KCNJ6: variants seen among roughly 807,000 people sequenced by gnomAD.
KCNJ6 encodes potassium inwardly rectifying channel subfamily J member 6, also known as G protein-activated inward rectifier potassium channel 2.
KCNJ6 carries 9 observed loss-of-function variants against 34.2 expected under a neutral mutation model. That is an observed-to-expected ratio of 0.26 (90% confidence interval 0.16 to 0.46). KCNJ6 has a LOEUF of 0.46. Ranked by LOEUF, KCNJ6 falls within the 20% of genes least tolerant of loss-of-function variation. The pLI, the probability that KCNJ6 is intolerant of heterozygous loss-of-function variation, is 1.00. For missense variants in KCNJ6, 236 were observed against 531.3 expected (o/e 0.44, Z 5.46); for synonymous variants, 196 against 207.1 (o/e 0.95, Z 0.46).
intron 2 of KCNJ6, among the ~76,000 whole-genome samples, chr21:37,724,131 A>G (rs988061989): frequency 6.6e-6 from 1 of 152,032 alleles, no homozygotes; most frequent in African/African-American, 2.4e-5. Context: ...TAGACTAAGG[A>G]GATTGTTTTT....
chr21:37,715,123 G>A lies in KCNJ6; in HGVS notation c.34C>T (p.Leu12=), dbSNP rs2054783467. The change falls in exon 3 of 4, where the codon CTG becomes TTG. Residue 12 remains leucine, a synonymous_variant. Coordinates refer to ENST00000609713, the MANE Select transcript of KCNJ6 (RefSeq NM_002240.5). ...AKLTESMTNV[L]EGDSMDQDVE... ...TCCTGATCCATGGAGTCGCCCTCCA[G>A]GACGTTAGCTGGTGGTTTGGAGAAA... 1.9e-6 allele frequency: 3 copies of A among 1,609,028 alleles called. No individual in the cohort carries two copies. Among genetic ancestry groups the A allele is most frequent in the African/African-American group, 2.7e-5 (2 of 74,622 alleles).
chr21:37,780,366 C>T (rs192060553), intron 2 of KCNJ6, among the ~76,000 whole-genome samples: 1,641 of 152,206 alleles, frequency 0.011, 20 homozygotes, highest in Non-Finnish European at 0.016. Context: ...CAGTGAAACC[C>T]TTTTGTATGA....
At chr21:37,782,413 C>A (rs1411418499) in intron 2 of KCNJ6, among the ~76,000 whole-genome samples, 5 of 152,042 alleles carry the variant, frequency 3.3e-5, no homozygotes. Flanking sequence ...CATAACACAC[C>A]CCCCTCCCTG....
At chr21:37,914,189 G>A (rs1211976338) in intron 1 of KCNJ6, among the ~76,000 whole-genome samples, 3 of 152,144 alleles carry the variant, frequency 2.0e-5, no homozygotes, top group Admixed American at 6.5e-5. Flanking sequence ...TAAAATGGAT[G>A]ATTTGCAAGC....
chr21:37,863,274 G>A (rs546527797), intron 1 of KCNJ6, among the ~76,000 whole-genome samples: 3 of 152,192 alleles, frequency 2.0e-5, no homozygotes, highest in South Asian at 2.1e-4. Context: ...AGATTGTTAC[G>A]CCTGACTACT....
chr21:37,828,546 G>A (rs998903439), intron 2 of KCNJ6, among the ~76,000 whole-genome samples: 2 of 152,162 alleles, frequency 1.3e-5, no homozygotes, highest in Admixed American at 6.5e-5. Flanking sequence ...GTTTCCTTTC[G>A]GTGACAAAGT....
rs2123591742 is a variant in KCNJ6 at position 37,851,933 on chromosome 21, T to C, written c.-27-11224A>G. 2.0e-5 allele frequency among the ~76,000 whole-genome samples: 3 copies of C among 151,964 alleles called. No homozygotes were observed. In the South Asian group the frequency reaches 6.2e-4, roughly 32 times the overall value. ...TTTTTCTATATTGTTTATCCCTGAC[T>C]GGATACTGGAGATGTTAGCAAATTG... On this transcript the variant is annotated intron_variant, in intron 1 of 3. Coordinates refer to ENST00000609713, the MANE Select transcript of KCNJ6 (RefSeq NM_002240.5).
At chr21:37,880,619 G>A (rs1305729869) in intron 1 of KCNJ6, among the ~76,000 whole-genome samples, 1 of 152,078 alleles carries the variant, frequency 6.6e-6, no homozygotes, top group Admixed American at 6.5e-5. Flanking sequence ...TAATCAGACG[G>A]CTTTGCATTT....
At chr21:37,816,761 T>G (rs2055349055) in intron 2 of KCNJ6, among the ~76,000 whole-genome samples, 1 of 152,164 alleles carries the variant, frequency 6.6e-6, no homozygotes, top group South Asian at 2.1e-4. Flanking sequence ...TGGGGTTAGA[T>G]GTGATTGTGC....
At chr21:37,760,548 C>T (rs1189692744) in intron 2 of KCNJ6, among the ~76,000 whole-genome samples, 1 of 152,232 alleles carries the variant, frequency 6.6e-6, no homozygotes, top group African/African-American at 2.4e-5. Context: ...CGTGAGGCTT[C>T]TGACAGCTTG....
chr21:37,723,120 A>G (rs1178185907), intron 2 of KCNJ6, among the ~76,000 whole-genome samples: 2 of 152,206 alleles, frequency 1.3e-5, no homozygotes, highest in African/African-American at 4.8e-5. Flanking sequence ...GGCAACAGAC[A>G]TAAACAGACT....
chr21:37,789,330 C>A (rs1023535872), intron 2 of KCNJ6, among the ~76,000 whole-genome samples: 1 of 152,234 alleles, frequency 6.6e-6, no homozygotes, highest in African/African-American at 2.4e-5. Context: ...TGAAGTCATA[C>A]GGGTGGGGTC....
chr21:37,799,096 C>T (rs2055257129), intron 2 of KCNJ6, among the ~76,000 whole-genome samples: 1 of 152,154 alleles, frequency 6.6e-6, no homozygotes, highest in South Asian at 2.1e-4. Context: ...CACTAGGCCC[C>T]AGTGTGTGCC....
intron 3 of KCNJ6, among the ~76,000 whole-genome samples, chr21:37,683,696 C>G (rs1448749814): frequency 6.6e-6 from 1 of 152,180 alleles, no homozygotes; most frequent in Non-Finnish European, 1.5e-5. Flanking sequence ...CAGAAGCCAA[C>G]CCCAAGGGAG....
chr21:37,890,786 C>A (rs892500608), intron 1 of KCNJ6, among the ~76,000 whole-genome samples: 1 of 152,100 alleles, frequency 6.6e-6, no homozygotes, highest in Non-Finnish European at 1.5e-5. Context: ...CGGTACAATT[C>A]AGGAGAACAC....
Position 37,829,501 on chromosome 21 carries a change from A to G in KCNJ6, c.25+11157T>C, listed in dbSNP as rs191604521. ...CCCCACTGGCTTGGAAGGGGCTGGG[A>G]ACACATCCTGCTGCTGGGTGTGTGG... On this transcript the variant is annotated intron_variant, in intron 2 of 3. Coordinates refer to ENST00000609713, the MANE Select transcript of KCNJ6 (RefSeq NM_002240.5). Among the ~76,000 whole-genome samples, 703 of 152,108 alleles carry G rather than the reference A, an allele frequency of 4.6e-3. 1 individual carries two copies. Among genetic ancestry groups the G allele is most frequent in the African/African-American group, 0.015 (629 of 41,498 alleles).
rs184177780 is a variant in KCNJ6, at chr21:37,675,325, C to T, written c.946+38886G>A. Among the ~76,000 whole-genome samples, 3 of 152,332 alleles carry T rather than the reference C, an allele frequency of 2.0e-5. No individual in the cohort carries two copies. Among genetic ancestry groups the T allele is most frequent in the Admixed American group, 1.3e-4 (2 of 15,306 alleles). ...CTCAGAGAGGAAGGAATCAAGTTGG[C>T]GGGGATTTTTCCGCGAGTGGCTGCA... is the stretch of plus-strand genomic sequence containing the variant. On this transcript the variant is annotated intron_variant, in intron 3 of 3. Transcript: ENST00000609713. This position sits in a 1 kb window ranked among gnomAD's most constrained non-coding sequence, Gnocchi z 4.2.
chr21:37,837,073 T>A (rs1466352378), intron 2 of KCNJ6, among the ~76,000 whole-genome samples: 1 of 152,002 alleles, frequency 6.6e-6, no homozygotes, highest in Non-Finnish European at 1.5e-5. Flanking sequence ...TCTGTCTCGG[T>A]CCTCCTCAAT....
intron 2 of KCNJ6, among the ~76,000 whole-genome samples, chr21:37,787,236 G>C (rs1346256859): frequency 1.3e-5 from 2 of 152,180 alleles, no homozygotes; most frequent in South Asian, 2.1e-4. Flanking sequence ...TGATTGACTA[G>C]AGCTGTATAA....
Sources: allele counts gnomAD v4.1 joint callset (sites outside exome capture counted in the v4.1 genomes callset), GRCh38; gene constraint gnomAD v4.1.1; non-coding constraint Gnocchi (gnomAD v3.1); transcripts MANE v1.5; gene names NCBI Gene and HGNC (gene_info 2026-07-23, HGNC 2026-07-21).